ITGB3: variants seen among roughly 807,000 people sequenced by gnomAD.
The protein encoded by ITGB3 is integrin beta-3.
A neutral mutation model predicts 85.8 loss-of-function variants in ITGB3; 48 were observed. The ratio of observed to expected loss-of-function variants is 0.56; its 90% CI spans 0.44 to 0.71. ITGB3 has a LOEUF of 0.71. Ranked by LOEUF, ITGB3 falls within the 30% of genes least tolerant of loss-of-function variation. The pLI is 0.00. For synonymous variants in ITGB3, 363 were observed against 395.6 expected (o/e 0.92, Z 0.98); for missense variants, 861 against 1,019.1 (o/e 0.84, Z 2.11).
At chr17:47,302,670 A>G (rs755160855) in intron 12 of ITGB3, 51 bp from the exon 13 acceptor site, 5 of 1,612,194 alleles carry the variant, frequency 3.1e-6, no homozygotes, top group East Asian at 2.2e-5. Context: ...GAGTGGTCCC[A>G]TCTTCCAGTA....
At chr17:47,277,742 G>C (rs1750724101) in intron 2 of ITGB3, among the ~76,000 whole-genome samples, 2 of 152,166 alleles carry the variant, frequency 1.3e-5, no homozygotes, top group Admixed American at 6.5e-5. Flanking sequence ...CACCCTGGAA[G>C]GTGGGCCAGC....
At chr17:47,267,082 A>G (rs2065028340) in intron 1 of ITGB3, among the ~76,000 whole-genome samples, 1 of 152,226 alleles carries the variant, frequency 6.6e-6, no homozygotes, top group Non-Finnish European at 1.5e-5. Flanking sequence ...CAGGATAAAA[A>G]CAACAATAAA....
intron 14 of ITGB3, among the ~76,000 whole-genome samples, chr17:47,309,060 T>G (rs577170803): frequency 6.7e-5 from 10 of 148,808 alleles, no homozygotes; most frequent in African/African-American, 2.0e-4. Flanking sequence ...CCTTCCTTCT[T>G]TTTTTGAGAC....
intron 5 of ITGB3, 77 bp from the exon 6 acceptor site, chr17:47,286,993 G>T (rs1484756804): frequency 2.0e-6 from 3 of 1,484,830 alleles, no homozygotes; most frequent in African/African-American, 2.8e-5. Context: ...GAGCACCTTG[G>T]GTCTCTGTTC....
chr17:47,299,380 C>T lies in ITGB3; in HGVS notation c.1763C>T (p.Thr588Met), dbSNP rs762965827. The change falls in exon 11 of 15, where the codon ACG (threonine) becomes ATG (methionine). Residue 588 changes from threonine (T) to methionine (M), a missense_variant. Physicochemically the swap from Thr to Met is moderately conservative, Grantham distance 81 (BLOSUM62 -1). Coordinates refer to ENST00000559488, the MANE Select transcript of ITGB3 (RefSeq NM_000212.3). This position sits in a 1 kb window ranked among gnomAD's most constrained non-coding sequence, Gnocchi z 5.1. ...DWTGYYCNCTTRTDTCMSSNG... is the reference protein window; with the variant it reads ...DWTGYYCNCTMRTDTCMSSNG... ...ACCGGCTACTACTGCAACTGTACCA[C>T]GCGTACTGACACCTGCATGTCCAGC... is the stretch of plus-strand genomic sequence containing the variant. The T allele has an allele frequency of 2.4e-5, 39 of 1,614,124 alleles. No homozygotes were observed. The highest frequency in any genetic ancestry group is 1.6e-4 in the Middle Eastern group (1 of 6,084).
chr17:47,273,533 G>T (rs1216569834), intron 1 of ITGB3, among the ~76,000 whole-genome samples: 1 of 152,220 alleles, frequency 6.6e-6, no homozygotes, highest in Non-Finnish European at 1.5e-5. Context: ...TGGTTCTCCT[G>T]GTTGTTTCTG....
intron 1 of ITGB3, among the ~76,000 whole-genome samples, chr17:47,263,071 A>G (rs2065013937): frequency 6.6e-6 from 1 of 152,140 alleles, no homozygotes; most frequent in African/African-American, 2.4e-5. Context: ...AGCACCAGAG[A>G]GATGAAGGGA....
At chr17:47,277,347 C>G (rs1278397607) in intron 2 of ITGB3, among the ~76,000 whole-genome samples, 2 of 152,152 alleles carry the variant, frequency 1.3e-5, no homozygotes, top group East Asian at 3.8e-4. Context: ...TTTATGATAG[C>G]AAGTTTGGCA....
Position 47,300,576 on chromosome 17 carries a change from T to A in ITGB3, c.2012T>A (p.Leu671His). The A allele has an allele frequency of 6.2e-7, 1 of 1,612,416 alleles. No homozygotes were observed. The highest frequency in any genetic ancestry group is 8.5e-7 in the Non-Finnish European group (1 of 1,178,594). Residue 671 changes from leucine (L) to histidine (H), a missense_variant and splice_region_variant, in exon 12 of 15, where the codon CTT becomes CAT. Transcript: ENST00000559488. The part of the protein sequence containing the change: ...CRDEIESVKE[L>H]KDTGKDAVNC... ...GACGAGATTGAGTCAGTGAAAGAGC[T>A]TAGTAAGTTCAGCACATCTTAGAGT...
intron 11 of ITGB3, 51 bp from the exon 12 acceptor site, chr17:47,300,427 G>A (rs748120221): frequency 4.4e-6 from 6 of 1,354,830 alleles, no homozygotes; most frequent in African/African-American, 4.3e-5. Context: ...ACTGGGATAC[G>A]CTTAGGCTTG....
At chr17:47,275,302 T>G (rs1598685321) in intron 2 of ITGB3, among the ~76,000 whole-genome samples, 1 of 151,398 alleles carries the variant, frequency 6.6e-6, no homozygotes. Context: ...AGGCAGAGGG[T>G]TTGTTGTGTC....
At chr17:47,291,713 C>G (rs544187406) in intron 9 of ITGB3, among the ~76,000 whole-genome samples, 56 of 152,312 alleles carry the variant, frequency 3.7e-4, no homozygotes, top group South Asian at 3.5e-3. Flanking sequence ...TGTGTGGGAA[C>G]TGAAGTAGAT....
rs190792874 is a variant in ITGB3 at position 47,303,035 on chromosome 17, G to A, written c.2134+195G>A. 3.7e-3 allele frequency among the ~76,000 whole-genome samples: 568 copies of A among 152,290 alleles called. 1 individual carries two copies. Among genetic ancestry groups the A allele is most frequent in the African/African-American group, 0.013 (550 of 41,552 alleles). On this transcript the variant is annotated intron_variant, in intron 13 of 14. Coordinates refer to ENST00000559488, the MANE Select transcript of ITGB3 (RefSeq NM_000212.3). ...GGCCATGGTGGGTGGATCGTCTGGG[G>A]TCAGGAGTTCAATACCAGCCTGGCC...
At chr17:47,305,603 T>C (rs571836508) in intron 13 of ITGB3, 1 of 152,230 alleles carries the variant, frequency 6.6e-6, no homozygotes, top group South Asian at 2.1e-4. Context: ...TTTTAGTTGT[T>C]GACTGGGGTT....
chr17:47,310,510 T>C lies in ITGB3; in HGVS notation c.*306T>C, dbSNP rs1202852158. On this transcript the variant is annotated 3_prime_UTR_variant, in exon 15 of 15. Coordinates refer to ENST00000559488, the MANE Select transcript of ITGB3 (RefSeq NM_000212.3). ...GGATTCTTCCTGCTTAGCTTGAGGG[T>C]GACTATGGAGCTGAGCAGGTGTTCT... 6.5e-6 allele frequency: 3 copies of C among 462,702 alleles called. No individual in the cohort carries two copies. In the Admixed American group the frequency reaches 9.6e-5, roughly 15 times the overall value. The allele number at this position is 462,702 out of a possible 1,614,324, so 28.7% of individuals were successfully genotyped here. A position where few individuals can be genotyped will look rare whatever the true frequency, so the allele number is the denominator to read the frequency against.
intron 2 of ITGB3, among the ~76,000 whole-genome samples, chr17:47,280,603 C>A (rs1473688622): frequency 6.6e-6 from 1 of 152,294 alleles, no homozygotes; most frequent in Non-Finnish European, 1.5e-5. Context: ...GTTATCCACC[C>A]GTGTCGGCCT....
At chr17:47,293,627 T>TC (rs1422444393) in intron 10 of ITGB3, among the ~76,000 whole-genome samples, 2 of 152,028 alleles carry the variant, frequency 1.3e-5, no homozygotes, top group African/African-American at 4.8e-5. Context: ...TTTTTTTTTT[T>TC]GAGACGGAGT....
At chr17:47,291,185 C>A in intron 9 of ITGB3, 97 bp downstream of exon 9, 3 of 1,434,986 alleles carry the variant, frequency 2.1e-6, no homozygotes, top group Admixed American at 1.7e-5. Context: ...CCCCTTCCAC[C>A]AGAAAAAAAA....
At position 47,313,643 on chromosome 17, in the gene ITGB3, C is replaced by G. The variant is rs1039729901; in HGVS notation, c.*3439C>G. ...GGATTACAGGCGTGAGCCACTGCCC[C>G]CGGCTGTGGTTGAAATTTCTTAAGT... is the stretch of plus-strand genomic sequence containing the variant. On this transcript the variant is annotated 3_prime_UTR_variant, in exon 15 of 15. Transcript: ENST00000559488. 6.6e-6 allele frequency among the ~76,000 whole-genome samples: 1 copy of G among 152,164 alleles called. No individual in the cohort carries two copies. Among genetic ancestry groups the G allele is most frequent in the Non-Finnish European group, 1.5e-5 (1 of 68,028 alleles).
Sources: allele counts gnomAD v4.1 joint callset (sites outside exome capture counted in the v4.1 genomes callset), GRCh38; gene constraint gnomAD v4.1.1; non-coding constraint Gnocchi (gnomAD v3.1); transcripts MANE v1.5; gene names NCBI Gene and HGNC (gene_info 2026-07-23, HGNC 2026-07-21).